PCDHA12: variants seen among roughly 807,000 people sequenced by gnomAD.
PCDHA12 encodes protocadherin alpha 12.
Under a neutral mutation model 60.0 loss-of-function variants are expected in PCDHA12, and 44 were observed. The observed-to-expected ratio is 0.73, with a 90% CI of 0.58 to 0.94. PCDHA12 has a LOEUF of 0.94. PCDHA12 is among the 40% of genes least tolerant of loss of function. The probability of loss-of-function intolerance (pLI) is 0.00; values close to 1 mark genes in which losing one functional copy is unlikely to be tolerated. For missense variants in PCDHA12, 1,276 were observed against 1,239.7 expected, an observed-to-expected ratio of 1.03 and a Z score of -0.44; for synonymous variants, 569 against 553.0, an observed-to-expected ratio of 1.03 and a Z score of -0.40.
intron 1 of PCDHA12, among the ~76,000 whole-genome samples, chr5:140,978,150 C>A (rs1009630892): frequency 6.6e-6 from 1 of 152,168 alleles, no homozygotes; most frequent in Non-Finnish European, 1.5e-5. Context: ...TTGTTCTCCC[C>A]CTTCAGACTG....
chr5:140,882,199 G>A, intron 1 of PCDHA12: 1 of 1,526,968 alleles, frequency 6.5e-7, no homozygotes, highest in Non-Finnish European at 8.8e-7. Context: ...TAAAAATTGG[G>A]CCTTGAGAGA....
intron 1 of PCDHA12, among the ~76,000 whole-genome samples, chr5:140,954,134 A>G (rs1443838127): frequency 6.6e-6 from 1 of 152,194 alleles, no homozygotes; most frequent in Non-Finnish European, 1.5e-5. Flanking sequence ...TTATGGATGC[A>G]TAGTATTCCA....
intron 1 of PCDHA12, among the ~76,000 whole-genome samples, chr5:140,925,996 T>C (rs2082856637): frequency 6.6e-6 from 1 of 152,190 alleles, no homozygotes; most frequent in Non-Finnish European, 1.5e-5. Context: ...CTGGCTCCGC[T>C]GCCTCGAAAA....
chr5:140,875,958 C>T lies in PCDHA12; in HGVS notation c.486C>T (p.Ile162=), dbSNP rs1312300687. 1.2e-6 allele frequency: 2 copies of T among 1,613,962 alleles called. No individual in the cohort carries two copies. The highest frequency in any genetic ancestry group is 3.3e-5 in the Admixed American group (2 of 60,002). The change falls in exon 1 of 4, where the codon ATC becomes ATT. Residue 162 remains isoleucine (I), a synonymous_variant. Coordinates refer to ENST00000398631, the MANE Select transcript of PCDHA12 (RefSeq NM_018903.4). ...FPLEGASDAD[I]GVNSLLTYAL... Reference sequence around the variant, plus strand: ...TAGAGGGCGCTTCTGATGCGGATATCGGCGTAAACTCTCTTTTGACCTATG... The same window carrying T: ...TAGAGGGCGCTTCTGATGCGGATATTGGCGTAAACTCTCTTTTGACCTATG...
chr5:140,903,550 C>T lies in PCDHA12; in HGVS notation c.2367+25711C>T, dbSNP rs139225982. 2.6e-3 allele frequency among the ~76,000 whole-genome samples: 396 copies of T among 152,250 alleles called. 2 individuals carry two copies. The highest frequency in any genetic ancestry group is 9.3e-3 in the African/African-American group (385 of 41,564). The stretch of plus-strand genomic sequence containing the variant: ...CTTTAAACTAGAGCAAGAAACTTTT[C>T]TAATAAGTGGAATTGGGAGCTGTCT... On this transcript the variant is annotated intron_variant, in intron 1 of 3. Transcript: ENST00000398631.
chr5:140,959,347 C>T (rs561977478), intron 1 of PCDHA12, among the ~76,000 whole-genome samples: 4 of 151,938 alleles, frequency 2.6e-5, no homozygotes, highest in Admixed American at 6.6e-5. Context: ...TGCACTCCAG[C>T]GGGACAACTG....
intron 1 of PCDHA12, among the ~76,000 whole-genome samples, chr5:140,924,575 T>C (rs1255232429): frequency 6.6e-6 from 1 of 152,078 alleles, no homozygotes; most frequent in East Asian, 1.9e-4. Flanking sequence ...TTTTTAAATG[T>C]TTTCAAATAT....
Position 140,881,345 on chromosome 5 carries a change from T to A in PCDHA12, c.2367+3506T>A, listed in dbSNP as rs2058675594. The A allele has an allele frequency of 4.1e-6, 4 of 985,136 alleles. No individual in the cohort carries two copies. In the African/African-American group the frequency reaches 7.0e-5, roughly 17 times the overall value. The allele number at this position is 985,136 out of a possible 1,614,324, so 61.0% of individuals were successfully genotyped here. A position where few individuals can be genotyped will look rare whatever the true frequency, so the allele number is the denominator to read the frequency against. On this transcript the variant is annotated intron_variant, in intron 1 of 3. Transcript: ENST00000398631. ...ATTTAACCAGGACGCCGATTCGGGC[T>A]ACAATGCGTGGCTTTCGTATGAATT... is the stretch of plus-strand genomic sequence containing the variant.
rs199814121 is a variant in PCDHA12, at chr5:140,884,467, G to T, written c.2367+6628G>T. 3.9e-5 allele frequency: 63 copies of T among 1,613,778 alleles called. No individual in the cohort carries two copies. In the East Asian group the frequency reaches 1.3e-3, roughly 33 times the overall value. The stretch of plus-strand genomic sequence containing the variant: ...CACCGCCCACCGAGGGCGCGTGCGC[G>T]CCGGGCAAGCCCACTCTAGTGTGCT... On this transcript the variant is annotated intron_variant, in intron 1 of 3. Transcript: ENST00000398631.
intron 1 of PCDHA12, among the ~76,000 whole-genome samples, chr5:140,891,030 T>G (rs1583035754): frequency 6.6e-6 from 1 of 151,856 alleles, no homozygotes; most frequent in Non-Finnish European, 1.5e-5. Context: ...GGGTATAATC[T>G]TAGGTGTGAC....
chr5:140,923,489 A>C (rs549066009), intron 1 of PCDHA12, among the ~76,000 whole-genome samples: 2 of 152,182 alleles, frequency 1.3e-5, no homozygotes, highest in Non-Finnish European at 2.9e-5. Flanking sequence ...TCTTCACACC[A>C]CTGCACTCCA....
intron 1 of PCDHA12, chr5:140,883,443 A>AT (rs1554178222): frequency 6.2e-7 from 1 of 1,614,136 alleles, no homozygotes; most frequent in Admixed American, 1.7e-5. Flanking sequence ...TTGACGCCGC[A>AT]TGTCCCCTTC....
At chr5:140,955,720 T>C (rs921545021) in intron 1 of PCDHA12, among the ~76,000 whole-genome samples, 7 of 152,354 alleles carry the variant, frequency 4.6e-5, no homozygotes, top group East Asian at 1.9e-4. Flanking sequence ...AGGAATACCA[T>C]TGAATCTATA....
intron 1 of PCDHA12, chr5:140,929,720 C>A (rs146702581): frequency 4.5e-6 from 1 of 224,040 alleles, no homozygotes; most frequent in Admixed American, 5.9e-5. Context: ...GAAGGTGAAA[C>A]ATTTACTTAA....
At chr5:140,895,367 CT>C (rs35382025) in intron 1 of PCDHA12, among the ~76,000 whole-genome samples, 1 of 152,014 alleles carries the variant, frequency 6.6e-6, no homozygotes, top group Non-Finnish European at 1.5e-5. Context: ...CTTATTGGCA[CT>C]TTTTGGAGTT....
chr5:140,897,769 C>T (rs1441051679), intron 1 of PCDHA12, among the ~76,000 whole-genome samples: 2 of 152,198 alleles, frequency 1.3e-5, no homozygotes, highest in Non-Finnish European at 2.9e-5. Flanking sequence ...GCCACACTGA[C>T]TTCCACAATG....
intron 3 of PCDHA12, chr5:140,988,926 A>C (rs562175503): frequency 6.6e-6 from 1 of 152,238 alleles, no homozygotes; most frequent in Non-Finnish European, 1.5e-5. Flanking sequence ...ATAGAACAAC[A>C]CTGTTCTCTT....
chr5:141,006,224 T>A (rs1265190589), intron 3 of PCDHA12, among the ~76,000 whole-genome samples: 1 of 152,072 alleles, frequency 6.6e-6, no homozygotes, highest in African/African-American at 2.4e-5. Flanking sequence ...TTAAATTTTT[T>A]ATTTTTAGAT....
intron 1 of PCDHA12, among the ~76,000 whole-genome samples, chr5:140,964,876 G>A (rs2095860081): frequency 6.6e-6 from 1 of 152,188 alleles, no homozygotes; most frequent in Non-Finnish European, 1.5e-5. Flanking sequence ...CAAATAAGAA[G>A]CAGCAGTGAT....
Sources: gnomAD v4.1 joint callset for allele counts (sites outside exome capture counted in the v4.1 genomes callset) on GRCh38, gnomAD v4.1.1 for gene constraint, MANE v1.5 for transcripts, NCBI Gene and HGNC (gene_info 2026-07-23, HGNC 2026-07-21) for gene names.